The following FGF2 variants were observed in gnomAD, a reference collection of about 807,000 sequenced individuals.
FGF2 encodes the protein fibroblast growth factor 2, also known as basic fibroblast growth factor bFGF.
Under a neutral mutation model 15.9 loss-of-function variants are expected in FGF2, and 13 were observed. That is an observed-to-expected ratio of 0.82 (90% CI 0.53 to 1.30). The LOEUF is 1.30. Among genes scored for constraint, FGF2 ranks in the 50% most tolerant of loss-of-function variants. The probability of loss-of-function intolerance (pLI) is 0.00; values close to 1 mark genes in which losing one functional copy is unlikely to be tolerated. For missense variants in FGF2, 163 were observed against 196.9 expected, an observed-to-expected ratio of 0.83 and a Z score of 1.03; for synonymous variants, 90 against 78.4, an observed-to-expected ratio of 1.15 and a Z score of -0.78.
intron 1 of FGF2, among the ~76,000 whole-genome samples, chr4:122,870,588 T>C (rs1726710949): frequency 6.6e-6 from 1 of 152,218 alleles, no homozygotes; most frequent in African/African-American, 2.4e-5. Flanking sequence ...ATCAGTTTCT[T>C]CCAGATTTTC....
Position 122,827,432 on chromosome 4 carries a change from C to T in FGF2, c.178+80C>T. On this transcript the variant is annotated intron_variant, in intron 1 of 2. Coordinates refer to ENST00000644866, the MANE Select transcript of FGF2 (RefSeq NM_001361665.2). The surrounding 1 kb of genome is among the most constrained non-coding windows in gnomAD (Gnocchi z 4.2). The stretch of plus-strand genomic sequence containing the variant: ...CTCTCTCCCCTCCAGCCTGCACCCT[C>T]CTCCCGGATCTTCACTGCGACCCTA... The T allele has an allele frequency of 1.3e-6, 2 of 1,498,856 alleles. No individual in the cohort carries two copies. Among genetic ancestry groups the T allele is most frequent in the Non-Finnish European group, 9.2e-7 (1 of 1,083,866 alleles). 92.8% of individuals were successfully genotyped at this position (1,498,856 alleles called of 1,614,324 possible). A position where few individuals can be genotyped will look rare whatever the true frequency, so the allele number is the denominator to read the frequency against.
Position 122,894,338 on chromosome 4 carries a change from C to G in FGF2, c.*1942C>G, listed in dbSNP as rs1727284004. ...GGGTGCAGTGGCTCATGCCTATATT[C>G]CCTGCACTTTGGGAGGCCAAAGCAG... On this transcript the variant is annotated 3_prime_UTR_variant, in exon 3 of 3. Transcript: ENST00000644866. The G allele has an allele frequency of 6.6e-6, 1 of 152,316 alleles. No individual in the cohort carries two copies. 9.4% of individuals were successfully genotyped at this position (152,316 alleles called of 1,614,324 possible).
intron 1 of FGF2, among the ~76,000 whole-genome samples, chr4:122,833,195 GTGTGTGTA>G (rs1725799430): frequency 6.6e-6 from 1 of 152,074 alleles, no homozygotes; most frequent in Non-Finnish European, 1.5e-5. Flanking sequence ...GTGTGTGTGT[GTGTGTGTA>G]TGTGTGTATT....
At position 122,892,667 on chromosome 4, in the gene FGF2, T is replaced by A. The variant is rs1367355416; in HGVS notation, c.*271T>A. 7 of 1,389,718 alleles carry A rather than the reference T, an allele frequency of 5.0e-6. No individual in the cohort carries two copies. Among genetic ancestry groups the A allele is most frequent in the Non-Finnish European group, 6.6e-6 (7 of 1,057,164 alleles). 86.1% of individuals were successfully genotyped at this position (1,389,718 alleles called of 1,614,324 possible). On this transcript the variant is annotated 3_prime_UTR_variant, in exon 3 of 3. Coordinates refer to ENST00000644866, the MANE Select transcript of FGF2 (RefSeq NM_001361665.2). ...GATCTTTTTCACGCATTTGCTTTATTCGAAAAGAGGCTTTTAAAATGTGCA... is the reference window on the plus strand; with the variant it reads ...GATCTTTTTCACGCATTTGCTTTATACGAAAAGAGGCTTTTAAAATGTGCA...
Position 122,893,248 on chromosome 4 carries a change from A to T in FGF2, c.*852A>T. On this transcript the variant is annotated 3_prime_UTR_variant, in exon 3 of 3. Transcript: ENST00000644866. Reference sequence around the variant, plus strand: ...CTCCTACGTAAAAAAAGAGATGTACAAATCAATAATAATTACACTTTTAGA... The same window carrying T: ...CTCCTACGTAAAAAAAGAGATGTACTAATCAATAATAATTACACTTTTAGA... 3 of 1,557,030 alleles carry T rather than the reference A, an allele frequency of 1.9e-6. No individual in the cohort carries two copies. Among genetic ancestry groups the T allele is most frequent in the Non-Finnish European group, 2.6e-6 (3 of 1,153,616 alleles).
At chr4:122,848,359 T>G (rs1468140217) in intron 1 of FGF2, among the ~76,000 whole-genome samples, 2 of 152,212 alleles carry the variant, frequency 1.3e-5, no homozygotes, top group African/African-American at 4.8e-5. Context: ...TCAGGATTTC[T>G]GAAAATAGGA....
chr4:122,870,742 G>A (rs941008387), intron 1 of FGF2, among the ~76,000 whole-genome samples: 1 of 151,664 alleles, frequency 6.6e-6, no homozygotes, highest in Non-Finnish European at 1.5e-5. Flanking sequence ...CTACCTAGTG[G>A]TCTAATTTGT....
At chr4:122,886,649 T>G (rs1727065654) in intron 2 of FGF2, among the ~76,000 whole-genome samples, 1 of 152,248 alleles carries the variant, frequency 6.6e-6, no homozygotes, top group Non-Finnish European at 1.5e-5. Flanking sequence ...ATTTTGTTGC[T>G]CAAATAGTTC....
intron 1 of FGF2, among the ~76,000 whole-genome samples, chr4:122,860,121 A>G (rs899416117): frequency 1.6e-4 from 25 of 152,210 alleles, no homozygotes; most frequent in African/African-American, 5.5e-4. Flanking sequence ...GTAAACATGC[A>G]TAGCTCCCCT....
At position 122,862,719 on chromosome 4, in the gene FGF2, AT is replaced by A. The variant is rs1202720126; in HGVS notation, c.179-13598del. On this transcript the variant is annotated intron_variant, in intron 1 of 2. Coordinates refer to ENST00000644866, the MANE Select transcript of FGF2 (RefSeq NM_001361665.2). ...ATGATAAGGCTAAGTGACCACTAAG[AT>A]TTTGCTTTATGATGAGATGCTTCAA... 3.9e-5 allele frequency among the ~76,000 whole-genome samples: 6 copies of A among 152,294 alleles called. No homozygotes were observed. The East Asian group carries it at 1.2e-3, about 29-fold the overall frequency.
At chr4:122,873,296 T>TCC (rs1432491677) in intron 1 of FGF2, among the ~76,000 whole-genome samples, 1 of 152,240 alleles carries the variant, frequency 6.6e-6, no homozygotes, top group East Asian at 1.9e-4. Flanking sequence ...TTTGACCTGC[T>TCC]CCCAGCCTTC....
chr4:122,869,796 A>T (rs991937914), intron 1 of FGF2, among the ~76,000 whole-genome samples: 7 of 152,190 alleles, frequency 4.6e-5, no homozygotes, highest in African/African-American at 1.4e-4. Flanking sequence ...AGACAATTTG[A>T]CTTCCTCTCT....
chr4:122,887,610 T>TA (rs1325953574), intron 2 of FGF2, among the ~76,000 whole-genome samples: 1 of 152,246 alleles, frequency 6.6e-6, no homozygotes, highest in African/African-American at 2.4e-5. Context: ...CATGCTACAT[T>TA]AGAGTCTGCT....
intron 1 of FGF2, among the ~76,000 whole-genome samples, chr4:122,857,063 T>C (rs533601650): frequency 1.4e-4 from 22 of 152,324 alleles, no homozygotes; most frequent in Non-Finnish European, 2.9e-5. Flanking sequence ...CAGGAGTCAG[T>C]GTGGGGTCCT....
intron 1 of FGF2, among the ~76,000 whole-genome samples, chr4:122,854,439 T>G (rs62322219): frequency 0.013 from 1,915 of 152,338 alleles, 22 homozygotes; most frequent in Middle Eastern, 0.061. Flanking sequence ...ATAGCATATT[T>G]TAAAGAACTC....
intron 2 of FGF2, among the ~76,000 whole-genome samples, chr4:122,891,036 G>C (rs2125446): frequency 8.7e-6 from 1 of 114,718 alleles, no homozygotes; most frequent in Non-Finnish European, 1.7e-5. Flanking sequence ...TTTTTTTTTT[G>C]TTTTGTTTTG....
At chr4:122,855,770 A>G (rs531165597) in intron 1 of FGF2, among the ~76,000 whole-genome samples, 1 of 152,344 alleles carries the variant, frequency 6.6e-6, no homozygotes, top group East Asian at 1.9e-4. Flanking sequence ...AGTTCTTAAC[A>G]TTCCCTTACT....
At chr4:122,873,811 A>G (rs1469712306) in intron 1 of FGF2, among the ~76,000 whole-genome samples, 3 of 151,082 alleles carry the variant, frequency 2.0e-5, no homozygotes, top group Non-Finnish European at 1.5e-5. Flanking sequence ...TAAAACTTGT[A>G]ATTTAAAAAT....
At chr4:122,867,536 G>C (rs7670829) in intron 1 of FGF2, among the ~76,000 whole-genome samples, 21,237 of 152,088 alleles carry the variant, frequency 0.14, 1,611 homozygotes, top group Middle Eastern at 0.23. Flanking sequence ...TTTAGAGACA[G>C]GATTTCACTT....
Sources: allele counts gnomAD v4.1 joint callset (sites outside exome capture counted in the v4.1 genomes callset), GRCh38; gene constraint gnomAD v4.1.1; non-coding constraint Gnocchi (gnomAD v3.1); transcripts MANE v1.5; gene names NCBI Gene and HGNC (gene_info 2026-07-23, HGNC 2026-07-21).